PDE4B: variants seen among roughly 807,000 people sequenced by gnomAD.
PDE4B encodes the protein 3',5'-cyclic-AMP phosphodiesterase 4B.
PDE4B carries 20 observed loss-of-function variants against 82.2 expected under a neutral mutation model. The ratio of observed to expected loss-of-function variants is 0.24; its 90% CI spans 0.17 to 0.35. The LOEUF (loss-of-function observed/expected upper bound fraction) is 0.35, where lower values mean the gene tolerates loss of function less well. PDE4B is among the 10% of genes least tolerant of loss of function. The pLI, the probability that PDE4B is intolerant of heterozygous loss-of-function variation, is 1.00. For missense variants in PDE4B, 655 were observed against 907.2 expected, an observed-to-expected ratio of 0.72 and a Z score of 3.57; for synonymous variants, 320 against 318.9, an observed-to-expected ratio of 1.00 and a Z score of -0.04.
intron 3 of PDE4B, among the ~76,000 whole-genome samples, chr1:65,980,197 A>C (rs1159729183): frequency 2.0e-5 from 3 of 152,208 alleles, no homozygotes; most frequent in Non-Finnish European, 4.4e-5. Flanking sequence ...TTATGCACAA[A>C]AAACCATCAC....
intron 1 of PDE4B, among the ~76,000 whole-genome samples, chr1:65,865,713 A>G (rs545779532): frequency 2.0e-5 from 3 of 152,226 alleles, no homozygotes; most frequent in Non-Finnish European, 4.4e-5. Context: ...GGCTGCACCC[A>G]TTGCCTAAAC....
At chr1:66,335,214 C>A (rs1156846199) in intron 8 of PDE4B, among the ~76,000 whole-genome samples, 2 of 152,200 alleles carry the variant, frequency 1.3e-5, no homozygotes, top group Non-Finnish European at 2.9e-5. Context: ...AGGGAGTGTA[C>A]TTATCAGTGG....
At chr1:65,841,567 G>A (rs969816050) in intron 1 of PDE4B, among the ~76,000 whole-genome samples, 1 of 151,996 alleles carries the variant, frequency 6.6e-6, no homozygotes, top group Non-Finnish European at 1.5e-5. Flanking sequence ...ACCAGAAGTC[G>A]CAGTCATCTA....
intron 1 of PDE4B, among the ~76,000 whole-genome samples, chr1:65,885,537 A>T (rs1216967932): frequency 1.3e-5 from 2 of 152,154 alleles, no homozygotes; most frequent in African/African-American, 2.4e-5. Flanking sequence ...AGCCATAAAA[A>T]AGGATGAGTT....
intron 3 of PDE4B, among the ~76,000 whole-genome samples, chr1:66,167,153 A>G (rs1016181257): frequency 2.0e-5 from 3 of 152,220 alleles, no homozygotes; most frequent in Non-Finnish European, 2.9e-5. Flanking sequence ...GTTTCTCAAA[A>G]TGTTAAACAT....
intron 3 of PDE4B, among the ~76,000 whole-genome samples, chr1:65,973,163 A>G (rs1245043543): frequency 1.3e-5 from 2 of 152,180 alleles, no homozygotes. Context: ...AAGTGGTCCC[A>G]TTTCCATAGA....
At chr1:66,256,383 C>T (rs1352137962) in intron 4 of PDE4B, among the ~76,000 whole-genome samples, 4 of 152,078 alleles carry the variant, frequency 2.6e-5, no homozygotes, top group Middle Eastern at 3.2e-3. Flanking sequence ...AGCCCTGTTA[C>T]AATAATTAAA....
chr1:66,273,175 C>T (rs1014354560), intron 7 of PDE4B, among the ~76,000 whole-genome samples: 1 of 152,212 alleles, frequency 6.6e-6, no homozygotes, highest in African/African-American at 2.4e-5. Context: ...ATTTTGCTCT[C>T]TTTCTTTGTC....
chr1:66,102,369 T>G (rs376402090), intron 3 of PDE4B, among the ~76,000 whole-genome samples: 1 of 152,114 alleles, frequency 6.6e-6, no homozygotes, highest in East Asian at 1.9e-4. Context: ...AAAATGTAAC[T>G]AGTACCAGAC....
chr1:66,280,189 C>A (rs1656193958), intron 7 of PDE4B, among the ~76,000 whole-genome samples: 1 of 152,252 alleles, frequency 6.6e-6, no homozygotes, highest in South Asian at 2.1e-4. Context: ...TCCTAGCTCA[C>A]AGAATTGTTT....
chr1:65,851,170 A>G (rs1473457168), intron 1 of PDE4B, among the ~76,000 whole-genome samples: 3 of 152,070 alleles, frequency 2.0e-5, no homozygotes, highest in Non-Finnish European at 4.4e-5. Context: ...TGTTTCATGA[A>G]CCTATGTTTT....
At chr1:66,067,734 T>C (rs1261249930) in intron 3 of PDE4B, among the ~76,000 whole-genome samples, 1 of 152,070 alleles carries the variant, frequency 6.6e-6, no homozygotes, top group Non-Finnish European at 1.5e-5. Flanking sequence ...TGCCATTGCT[T>C]TTGGTGTTTT....
At chr1:66,021,876 G>T (rs1234379277) in intron 3 of PDE4B, among the ~76,000 whole-genome samples, 2 of 152,128 alleles carry the variant, frequency 1.3e-5, no homozygotes, top group Non-Finnish European at 2.9e-5. Flanking sequence ...GATGGGGATG[G>T]CATTGAATCT....
At chr1:65,941,517 A>C (rs1648446930) in intron 3 of PDE4B, among the ~76,000 whole-genome samples, 1 of 151,980 alleles carries the variant, frequency 6.6e-6, no homozygotes, top group African/African-American at 2.4e-5. Context: ...CCTTTACCAG[A>C]GGAAAAACCA....
chr1:66,202,147 T>C (rs1243814158), intron 3 of PDE4B, among the ~76,000 whole-genome samples: 1 of 152,134 alleles, frequency 6.6e-6, no homozygotes. Flanking sequence ...TTCCATGTAG[T>C]TGAGCAGTTT....
intron 3 of PDE4B, among the ~76,000 whole-genome samples, chr1:66,096,961 G>C (rs1227881085): frequency 2.0e-5 from 3 of 151,760 alleles, no homozygotes; most frequent in African/African-American, 7.3e-5. Flanking sequence ...TTGTTGAGTG[G>C]TATTTATCAT....
chr1:65,931,582 G>T (rs1217296240), intron 3 of PDE4B, among the ~76,000 whole-genome samples: 2 of 152,120 alleles, frequency 1.3e-5, no homozygotes, highest in Admixed American at 1.3e-4. Flanking sequence ...ATAATAAAAT[G>T]TCATTTACAG....
intron 10 of PDE4B, 68 bp from the exon 11 acceptor site, chr1:66,363,100 A>G: frequency 9.3e-7 from 1 of 1,073,302 alleles, no homozygotes; most frequent in Admixed American, 2.0e-5. Flanking sequence ...CAAAAAATAA[A>G]TTAAAAAAAT....
intron 7 of PDE4B, among the ~76,000 whole-genome samples, chr1:66,275,367 C>A (rs1027511811): frequency 1.3e-5 from 2 of 152,106 alleles, no homozygotes; most frequent in African/African-American, 4.8e-5. Flanking sequence ...GCAAAGCCTC[C>A]CTTTGCAGAG....
Sources: gnomAD v4.1 joint callset for allele counts (sites outside exome capture counted in the v4.1 genomes callset) on GRCh38, gnomAD v4.1.1 for gene constraint, MANE v1.5 for transcripts, NCBI Gene and HGNC (gene_info 2026-07-23, HGNC 2026-07-21) for gene names.